Variants in PLXDC2 observed in about 807,000 individuals in gnomAD.
PLXDC2 encodes the protein plexin domain containing 2.
A neutral mutation model predicts 68.9 loss-of-function variants in PLXDC2; 40 were observed. The observed-to-expected ratio is 0.58, with a 90% confidence interval of 0.45 to 0.76. The LOEUF is 0.76. PLXDC2 is among the 30% of genes least tolerant of loss of function. The probability of loss-of-function intolerance (pLI) is 0.00; values close to 1 mark genes in which losing one functional copy is unlikely to be tolerated. For missense variants in PLXDC2, 644 were observed against 661.9 expected, an observed-to-expected ratio of 0.97 and a Z score of 0.30; for synonymous variants, 243 against 234.2, an observed-to-expected ratio of 1.04 and a Z score of -0.34.
intron 1 of PLXDC2, among the ~76,000 whole-genome samples, chr10:19,963,114 G>A (rs891903548): frequency 2.0e-5 from 3 of 151,896 alleles, no homozygotes; most frequent in African/African-American, 7.3e-5. Context: ...TCTGTTGGTA[G>A]CTCACTTTAT....
chr10:19,860,958 A>C (rs1336415255), intron 1 of PLXDC2, among the ~76,000 whole-genome samples: 1 of 150,934 alleles, frequency 6.6e-6, no homozygotes, highest in African/African-American at 2.4e-5. Flanking sequence ...CCATCTTCCT[A>C]GCCCCAAGAC....
At chr10:20,258,773 C>T (rs907767814) in intron 13 of PLXDC2, among the ~76,000 whole-genome samples, 6 of 151,784 alleles carry the variant, frequency 4.0e-5, no homozygotes, top group South Asian at 2.1e-4. Flanking sequence ...TTTGGGAGGC[C>T]GAGGAGTGCG....
intron 13 of PLXDC2, among the ~76,000 whole-genome samples, chr10:20,254,900 C>G (rs1008378110): frequency 1.3e-5 from 2 of 152,084 alleles, no homozygotes; most frequent in African/African-American, 2.4e-5. Flanking sequence ...ATGGCAATTG[C>G]CTTGTATATG....
intron 13 of PLXDC2, among the ~76,000 whole-genome samples, chr10:20,257,631 T>C (rs1385293026): frequency 6.6e-6 from 1 of 152,176 alleles, no homozygotes; most frequent in African/African-American, 2.4e-5. Context: ...TTACCTTTAG[T>C]GGAAAGTCTG....
Position 19,970,667 on chromosome 10 carries a change from A to G in PLXDC2, c.113-31108A>G, listed in dbSNP as rs1589562783. Among the ~76,000 whole-genome samples the G allele has an allele frequency of 2.0e-5, 3 of 152,294 alleles. No individual in the cohort carries two copies. The South Asian group carries it at 6.2e-4, about 32-fold the overall frequency. On this transcript the variant is annotated intron_variant, in intron 1 of 13. Coordinates refer to ENST00000377252, the MANE Select transcript of PLXDC2 (RefSeq NM_032812.9). ...TGTCATTGTGTAAACATAAAGACATATTTTAGATGCTTTTGACTATGAAAT... is the reference window on the plus strand; with the variant it reads ...TGTCATTGTGTAAACATAAAGACATGTTTTAGATGCTTTTGACTATGAAAT...
intron 1 of PLXDC2, among the ~76,000 whole-genome samples, chr10:19,910,169 TA>T (rs1189550567): frequency 6.2e-3 from 54 of 8,726 alleles, no homozygotes; most frequent in African/African-American, 0.016. Flanking sequence ...TGTACACTTT[TA>T]TATATATATA....
At chr10:20,013,212 A>G (rs7910531) in intron 2 of PLXDC2, among the ~76,000 whole-genome samples, 88,060 of 152,004 alleles carry the variant, frequency 0.58, 26,674 homozygotes, top group Non-Finnish European at 0.66. Context: ...ACCTGCCTAC[A>G]TAGCGTCTAT....
intron 1 of PLXDC2, among the ~76,000 whole-genome samples, chr10:19,875,972 C>CTGAAATTATT (rs1837622031): frequency 6.6e-6 from 1 of 151,956 alleles, no homozygotes; most frequent in Non-Finnish European, 1.5e-5. Flanking sequence ...TAACATTTTT[C>CTGAAATTATT]TTGAAAAAAA....
intron 1 of PLXDC2, among the ~76,000 whole-genome samples, chr10:19,940,949 T>TTGCA (rs1168407250): frequency 1.3e-5 from 2 of 152,236 alleles, no homozygotes; most frequent in Admixed American, 6.5e-5. Flanking sequence ...AATCATTTAC[T>TTGCA]TGCAGACCTA....
intron 4 of PLXDC2, among the ~76,000 whole-genome samples, chr10:20,130,641 T>C (rs1285318600): frequency 1.3e-5 from 2 of 152,240 alleles, no homozygotes; most frequent in East Asian, 3.9e-4. Flanking sequence ...TCATACATAT[T>C]CTTTATTATT....
chr10:20,046,213 AC>A (rs1219987409), intron 2 of PLXDC2, among the ~76,000 whole-genome samples: 1 of 152,020 alleles, frequency 6.6e-6, no homozygotes, highest in Non-Finnish European at 1.5e-5. Flanking sequence ...GTTCAAAAGG[AC>A]CTTTTTGTTC....
chr10:20,132,036 A>T (rs890564407), intron 4 of PLXDC2, among the ~76,000 whole-genome samples: 2 of 152,146 alleles, frequency 1.3e-5, no homozygotes, highest in Non-Finnish European at 2.9e-5. Flanking sequence ...AAATTTGGAA[A>T]GTTATATTTG....
intron 1 of PLXDC2, among the ~76,000 whole-genome samples, chr10:19,923,077 T>C (rs1055731521): frequency 1.3e-5 from 2 of 152,032 alleles, no homozygotes; most frequent in African/African-American, 4.8e-5. Context: ...AAAAAAAAAA[T>C]CTCTTAAGTC....
intron 2 of PLXDC2, among the ~76,000 whole-genome samples, chr10:20,012,145 C>G (rs12247058): frequency 6.6e-6 from 1 of 151,916 alleles, no homozygotes; most frequent in Non-Finnish European, 1.5e-5. Flanking sequence ...ATTTTTTTCT[C>G]TGATTATCTA....
rs200404414 is a variant in PLXDC2 at position 20,043,854 on chromosome 10, T to C, written c.325-3015T>C. Among the ~76,000 whole-genome samples the C allele has an allele frequency of 1.2e-4, 19 of 152,122 alleles. No individual in the cohort carries two copies. In the East Asian group the frequency reaches 2.7e-3, roughly 22 times the overall value. On this transcript the variant is annotated intron_variant, in intron 2 of 13. Coordinates refer to ENST00000377252, the MANE Select transcript of PLXDC2 (RefSeq NM_032812.9). ...ATTTTTAAAAATTTTCAGTGAATGA[T>C]ATAAAGTGGTGGCTTTGAAGAAAAT... is the stretch of plus-strand genomic sequence containing the variant.
intron 12 of PLXDC2, among the ~76,000 whole-genome samples, chr10:20,233,070 A>G (rs1174020735): frequency 6.6e-6 from 1 of 152,302 alleles, no homozygotes; most frequent in Non-Finnish European, 1.5e-5. Context: ...ATTAGAAGGC[A>G]TAAAATTTAA....
chr10:20,078,022 A>G (rs1280489207), intron 4 of PLXDC2, among the ~76,000 whole-genome samples: 1 of 151,830 alleles, frequency 6.6e-6, no homozygotes, highest in Non-Finnish European at 1.5e-5. Flanking sequence ...AAACACAACT[A>G]TTTTTCAAAT....
At chr10:19,874,120 T>TA (rs1248050402) in intron 1 of PLXDC2, among the ~76,000 whole-genome samples, 2 of 152,298 alleles carry the variant, frequency 1.3e-5, no homozygotes, top group East Asian at 3.9e-4. Flanking sequence ...CAGCAACACT[T>TA]ACGATCACAG....
chr10:20,088,020 G>C (rs985244657), intron 4 of PLXDC2, among the ~76,000 whole-genome samples: 8 of 152,110 alleles, frequency 5.3e-5, no homozygotes, highest in African/African-American at 1.9e-4. Flanking sequence ...GAAGGGATAA[G>C]TTCCTCTGGA....
Sources: allele counts gnomAD v4.1 joint callset (sites outside exome capture counted in the v4.1 genomes callset), GRCh38; gene constraint gnomAD v4.1.1; transcripts MANE v1.5; gene names NCBI Gene and HGNC (gene_info 2026-07-23, HGNC 2026-07-21).